The following SERPINF1 variants were observed in gnomAD, a reference collection of about 807,000 sequenced individuals.
The protein encoded by SERPINF1 is serpin family F member 1.
Under a neutral mutation model 37.3 loss-of-function variants are expected in SERPINF1, and 29 were observed. The ratio of observed to expected loss-of-function variants is 0.78; its 90% CI spans 0.58 to 1.06. The LOEUF is 1.06. SERPINF1 is among the 50% of genes least tolerant of loss of function. The pLI is 0.00. For synonymous variants in SERPINF1, 281 were observed against 227.9 expected (o/e 1.23, Z -2.10); for missense variants, 553 against 532.2 (o/e 1.04, Z -0.38).
intron 3 of SERPINF1, chr17:1,770,423 G>T: frequency 2.8e-6 from 1 of 363,482 alleles, no homozygotes; most frequent in Non-Finnish European, 5.1e-6. Context: ...GTTCACAGGG[G>T]AACTAATACC....
At chr17:1,775,309 G>A (rs997776395) in intron 6 of SERPINF1, 109 bp downstream of exon 6, 43 of 1,129,706 alleles carry the variant, frequency 3.8e-5, no homozygotes, top group Non-Finnish European at 5.2e-5. Context: ...CTGTCTACAT[G>A]TCGCCTGCTG....
chr17:1,770,180 G>C (rs952058277), intron 3 of SERPINF1, 130 bp downstream of exon 3: 33 of 1,008,182 alleles, frequency 3.3e-5, no homozygotes, highest in Non-Finnish European at 4.8e-5. Context: ...GCCTGGCCTG[G>C]GGGTCCCAGC....
Position 1,768,621 on chromosome 17 carries a change from G to A in SERPINF1, c.85-1231G>A, listed in dbSNP as rs140305574. Among the ~76,000 whole-genome samples the A allele has an allele frequency of 9.6e-3, 1,450 of 151,036 alleles. 17 individuals carry two copies. The highest frequency in any genetic ancestry group is 0.034 in the African/African-American group (1,391 of 41,204). On this transcript the variant is annotated intron_variant, in intron 2 of 7. Coordinates refer to ENST00000254722, the MANE Select transcript of SERPINF1 (RefSeq NM_002615.7). ...CCCAAATAGCTGGGACCACAGGCACGTTCCACCACGCCCAGCTAATTTTTT... is the reference window on the plus strand; with the variant it reads ...CCCAAATAGCTGGGACCACAGGCACATTCCACCACGCCCAGCTAATTTTTT...
At chr17:1,770,952 T>A in intron 3 of SERPINF1, 77 bp from the exon 4 acceptor site, 1 of 1,571,006 alleles carries the variant, frequency 6.4e-7, no homozygotes, top group Non-Finnish European at 8.8e-7. Flanking sequence ...ATGAGTATAG[T>A]GTCTGTGTTC....
intron 5 of SERPINF1, 146 bp downstream of exon 5, chr17:1,772,221 A>T: frequency 1.2e-6 from 1 of 825,992 alleles, no homozygotes; most frequent in Non-Finnish European, 1.9e-6. Flanking sequence ...GGTTCAAGCA[A>T]TTCTTGTGCC....
intron 4 of SERPINF1, 146 bp downstream of exon 4, chr17:1,771,330 C>A: frequency 1.3e-6 from 1 of 792,232 alleles, no homozygotes; most frequent in Non-Finnish European, 1.9e-6. Context: ...CTCACTGCAA[C>A]CTCCACCTCC....
At chr17:1,771,824 G>A (rs1240395598) in intron 4 of SERPINF1, 48 bp from the exon 5 acceptor site, 1 of 1,574,650 alleles carries the variant, frequency 6.4e-7, no homozygotes, top group Non-Finnish European at 8.7e-7. Context: ...AAGACGGGAT[G>A]CTTGTCGTCG....
At chr17:1,774,813 TAATCAACCA>T (rs974355725) in intron 5 of SERPINF1, among the ~76,000 whole-genome samples, 1 of 152,168 alleles carries the variant, frequency 6.6e-6, no homozygotes, top group African/African-American at 2.4e-5. Flanking sequence ...ATCTAGACTC[TAATCAACCA>T]AATCAACGTC....
At chr17:1,771,532 T>C (rs1210795755) in intron 4 of SERPINF1, among the ~76,000 whole-genome samples, 1 of 151,812 alleles carries the variant, frequency 6.6e-6, no homozygotes, top group Admixed American at 6.6e-5. Flanking sequence ...GCCACCGCGC[T>C]CGGCCCGTTT....
intron 2 of SERPINF1, among the ~76,000 whole-genome samples, chr17:1,769,496 T>C (rs933897777): frequency 3.3e-5 from 5 of 151,886 alleles, no homozygotes; most frequent in African/African-American, 1.2e-4. Context: ...CAGTGGCGCA[T>C]GCCTGTAATC....
intron 5 of SERPINF1, among the ~76,000 whole-genome samples, chr17:1,772,707 C>G (rs186178685): frequency 6.6e-6 from 1 of 151,836 alleles, no homozygotes; most frequent in South Asian, 2.1e-4. Context: ...TACAGGCGCC[C>G]GCCACTGCGC....
At chr17:1,776,850 G>A (rs974464594) in intron 7 of SERPINF1, 108 bp downstream of exon 7, 37 of 1,053,464 alleles carry the variant, frequency 3.5e-5, no homozygotes, top group Middle Eastern at 2.7e-4. Flanking sequence ...GCTTGTAGGG[G>A]GGCCGTGGAT....
chr17:1,769,097 C>T (rs1396035745), intron 2 of SERPINF1, among the ~76,000 whole-genome samples: 5 of 151,496 alleles, frequency 3.3e-5, no homozygotes, highest in South Asian at 2.1e-4. Flanking sequence ...GTGAGCCACT[C>T]GGCTGATGGT....
At chr17:1,770,969 G>C in intron 3 of SERPINF1, 60 bp from the exon 4 acceptor site, 1 of 1,606,746 alleles carries the variant, frequency 6.2e-7, no homozygotes, top group South Asian at 1.1e-5. Flanking sequence ...GTTCTGGGAG[G>C]GGGCTTGATT....
At chr17:1,772,852 C>T (rs1015111693) in intron 5 of SERPINF1, among the ~76,000 whole-genome samples, 16 of 151,690 alleles carry the variant, frequency 1.1e-4, no homozygotes, top group Non-Finnish European at 2.1e-4. Flanking sequence ...GGCCCTTTTA[C>T]ATTTATTTTT....
chr17:1,767,164 T>G (rs942929029), intron 2 of SERPINF1, among the ~76,000 whole-genome samples, 170 bp downstream of exon 2: 8 of 152,296 alleles, frequency 5.3e-5, no homozygotes, highest in African/African-American at 1.9e-4. Context: ...ATGTCTTGCC[T>G]TGCCTTTCAG....
intron 5 of SERPINF1, 76 bp from the exon 6 acceptor site, chr17:1,774,982 G>A: frequency 6.3e-7 from 1 of 1,598,904 alleles, no homozygotes; most frequent in Non-Finnish European, 8.6e-7. Context: ...TCAACAACGT[G>A]CTCTGGGGAC....
rs746314014 is a variant in SERPINF1 at position 1,777,166 on chromosome 17, A to G, written c.998-21A>G. 2.8e-5 allele frequency: 45 copies of G among 1,613,950 alleles called. No homozygotes were observed. The South Asian group carries it at 3.7e-4, about 13-fold the overall frequency. On this transcript the variant is annotated intron_variant, in intron 7 of 7. Transcript: ENST00000254722. Reference sequence around the variant, plus strand: ...TTGGGGAAGGCAGGGTTTTAACGGAAATCTCTCTCCATCTCTACAGAGCTG... The same window carrying G: ...TTGGGGAAGGCAGGGTTTTAACGGAGATCTCTCTCCATCTCTACAGAGCTG...
chr17:1,770,027 C>G lies in SERPINF1; in HGVS notation c.260C>G (p.Thr87Arg). Residue 87 changes from threonine (T) to arginine (R), a missense_variant, in exon 3 of 8, where the codon ACG becomes AGG. Coordinates refer to ENST00000254722, the MANE Select transcript of SERPINF1 (RefSeq NM_002615.7). ...NVLLSPLSVA[T>R]ALSALSLGAE... The stretch of plus-strand genomic sequence containing the variant: ...CTCCTGTCTCCTCTCAGTGTGGCCA[C>G]GGCCCTCTCGGCCCTCTCGCTGGGT... The G allele has an allele frequency of 1.9e-6, 3 of 1,614,118 alleles. No individual in the cohort carries two copies. The highest frequency in any genetic ancestry group is 2.5e-6 in the Non-Finnish European group (3 of 1,179,990).
Sources: gnomAD v4.1 joint callset for allele counts (sites outside exome capture counted in the v4.1 genomes callset) on GRCh38, gnomAD v4.1.1 for gene constraint, MANE v1.5 for transcripts, NCBI Gene and HGNC (gene_info 2026-07-23, HGNC 2026-07-21) for gene names.